BCAS3: variants seen among roughly 807,000 people sequenced by gnomAD.
BCAS3 encodes the protein BCAS3 microtubule associated cell migration factor, also known as BCAS4/BCAS3 fusion.
BCAS3 carries 53 observed loss-of-function variants against 116.1 expected under a neutral mutation model. That is an observed-to-expected ratio of 0.46 (90% confidence interval 0.37 to 0.57). The LOEUF (loss-of-function observed/expected upper bound fraction) is 0.57, where lower values mean the gene tolerates loss of function less well. Ranked by LOEUF, BCAS3 falls within the 20% of genes least tolerant of loss-of-function variation. The pLI, the probability that BCAS3 is intolerant of heterozygous loss-of-function variation, is 0.00. For synonymous variants in BCAS3, 391 were observed against 408.2 expected (o/e 0.96, Z 0.51); for missense variants, 917 against 1,165.4 (o/e 0.79, Z 3.10).
rs2080722156 is a variant in BCAS3, at chr17:61,199,860, C to G, written c.2425+115296C>G. ...CTGAAAATGTCTTTCTAGACATCCA[C>G]CTTACTGCAGGGCCCTAGGGTCATA... On this transcript the variant is annotated intron_variant, in intron 22 of 23. Coordinates refer to ENST00000407086, the MANE Select transcript of BCAS3 (RefSeq NM_017679.5). This position sits in a 1 kb window ranked among gnomAD's most constrained non-coding sequence, Gnocchi z 4.6. Among the ~76,000 whole-genome samples the G allele has an allele frequency of 6.6e-6, 1 of 152,176 alleles. No homozygotes were observed. The highest frequency in any genetic ancestry group is 2.4e-5 in the African/African-American group (1 of 41,442).
chr17:60,978,514 C>T (rs1414062222), intron 14 of BCAS3, among the ~76,000 whole-genome samples: 1 of 149,324 alleles, frequency 6.7e-6, no homozygotes, highest in Middle Eastern at 3.5e-3. Context: ...TAATTAGATC[C>T]CATTTGTCAA....
chr17:60,929,790 A>G (rs112543757), intron 13 of BCAS3, among the ~76,000 whole-genome samples: 44,525 of 141,034 alleles, frequency 0.32, 11,488 homozygotes, highest in African/African-American at 0.72. Context: ...TCATTGTTCA[A>G]TTCCCACCTG....
chr17:60,889,149 T>C (rs1286547302), intron 9 of BCAS3, among the ~76,000 whole-genome samples: 1 of 152,214 alleles, frequency 6.6e-6, no homozygotes, highest in Non-Finnish European at 1.5e-5. Context: ...TTGAGTGAAA[T>C]GTAAATACAA....
At chr17:61,110,401 C>T (rs536793154) in intron 22 of BCAS3, among the ~76,000 whole-genome samples, 326 of 152,246 alleles carry the variant, frequency 2.1e-3, no homozygotes, top group African/African-American at 7.6e-3. Context: ...GTGCGCAAGC[C>T]GAAGCAGGGC....
At chr17:60,957,866 G>A (rs930278728) in intron 14 of BCAS3, among the ~76,000 whole-genome samples, 1 of 152,214 alleles carries the variant, frequency 6.6e-6, no homozygotes, top group African/African-American at 2.4e-5. Flanking sequence ...CACTGGCACA[G>A]TAAATGCCAA....
At chr17:60,750,037 A>G (rs1208518471) in intron 6 of BCAS3, among the ~76,000 whole-genome samples, 4 of 152,078 alleles carry the variant, frequency 2.6e-5, no homozygotes, top group Non-Finnish European at 5.9e-5. Flanking sequence ...CATGGTGGCC[A>G]GTGCCTGTTA....
At chr17:61,011,682 G>A (rs1009956070) in intron 15 of BCAS3, among the ~76,000 whole-genome samples, 1 of 151,990 alleles carries the variant, frequency 6.6e-6, no homozygotes, top group African/African-American at 2.4e-5. Context: ...CAGGAGTATA[G>A]GCAGCCTGGT....
chr17:60,988,228 T>C (rs2063277277), intron 14 of BCAS3, among the ~76,000 whole-genome samples: 1 of 151,878 alleles, frequency 6.6e-6, no homozygotes, highest in African/African-American at 2.4e-5. Context: ...TACTAGTATT[T>C]TGTTGAGGAT....
chr17:61,118,497 A>C lies in BCAS3; in HGVS notation c.2425+33933A>C, dbSNP rs1601391047. ...TTAGGAGGTGGTTCTTGTTAACAGCAGATAGGGATGAAAGTCCTGACTGTA... is the reference window on the plus strand; with the variant it reads ...TTAGGAGGTGGTTCTTGTTAACAGCCGATAGGGATGAAAGTCCTGACTGTA... On this transcript the variant is annotated intron_variant, in intron 22 of 23. Transcript: ENST00000407086. This position sits in a 1 kb window ranked among gnomAD's most constrained non-coding sequence, Gnocchi z 5.0. Among the ~76,000 whole-genome samples, 1 of 152,258 alleles carries C rather than the reference A, an allele frequency of 6.6e-6. No individual in the cohort carries two copies. The highest frequency in any genetic ancestry group is 2.4e-5 in the African/African-American group (1 of 41,544).
At chr17:61,045,954 A>AAT (rs371023337) in intron 19 of BCAS3, among the ~76,000 whole-genome samples, 47 of 11,240 alleles carry the variant, frequency 4.2e-3, no homozygotes, top group Admixed American at 6.8e-3. Context: ...TATATATATA[A>AAT]ATATATATAT....
chr17:61,129,732 T>C (rs2076231243), intron 22 of BCAS3, among the ~76,000 whole-genome samples: 1 of 152,246 alleles, frequency 6.6e-6, no homozygotes, highest in Non-Finnish European at 1.5e-5. Flanking sequence ...TTCAGAACCA[T>C]TGTTTGACAC....
In BCAS3 at chr17:61,349,654, TAAA is replaced by T. The variant is rs935368715; in HGVS notation, c.2426-18672_2426-18670del. Among the ~76,000 whole-genome samples the T allele has an allele frequency of 2.6e-5, 4 of 152,340 alleles. No homozygotes were observed. Among genetic ancestry groups the T allele is most frequent in the Admixed American group, 2.0e-4 (3 of 15,304 alleles). ...TAGCATATGTTTCAAAGCTGACTAT[TAAA>T]GAAGTGTGGAAGAGGTACCATATGT... On this transcript the variant is annotated intron_variant, in intron 22 of 23. Transcript: ENST00000407086. The surrounding 1 kb of genome is among the most constrained non-coding windows in gnomAD (Gnocchi z 4.7).
chr17:60,777,716 C>T (rs1256054709), intron 6 of BCAS3, among the ~76,000 whole-genome samples: 1 of 152,142 alleles, frequency 6.6e-6, no homozygotes, highest in East Asian at 1.9e-4. Flanking sequence ...TTTCAATCTC[C>T]ATCTCTCTCT....
chr17:61,108,984 A>C (rs569313958), intron 22 of BCAS3, among the ~76,000 whole-genome samples: 1 of 152,172 alleles, frequency 6.6e-6, no homozygotes, highest in East Asian at 1.9e-4. Flanking sequence ...TCAAGAGATC[A>C]AGACCATCCT....
intron 16 of BCAS3, among the ~76,000 whole-genome samples, chr17:61,024,734 T>C (rs1406565002): frequency 6.6e-6 from 1 of 152,058 alleles, no homozygotes; most frequent in African/African-American, 2.4e-5. Flanking sequence ...AAGAAAGGTA[T>C]TTACTGGCTC....
chr17:60,794,392 A>G (rs1210244561), intron 6 of BCAS3, among the ~76,000 whole-genome samples: 3 of 152,134 alleles, frequency 2.0e-5, no homozygotes, highest in African/African-American at 4.8e-5. Context: ...TTGCTATGCG[A>G]AAGCTCTTTA....
Position 60,959,360 on chromosome 17 carries a change from C to T in BCAS3, c.1221+12008C>T, listed in dbSNP as rs115291884. Among the ~76,000 whole-genome samples, 570 of 151,838 alleles carry T rather than the reference C, an allele frequency of 3.8e-3. 3 individuals carry two copies. The highest frequency in any genetic ancestry group is 0.013 in the African/African-American group (542 of 41,362). On this transcript the variant is annotated intron_variant, in intron 14 of 23. Coordinates refer to ENST00000407086, the MANE Select transcript of BCAS3 (RefSeq NM_017679.5). ...TTTTGCTTTGCAAAATTTTCTATTC[C>T]AAAGCCCATTAAAGAAAAATTGATA...
rs546820228 is a variant in BCAS3, at chr17:61,011,581, T to A, written c.1487-4170T>A. ...TCATAGGGCCGTATTTTTCTCTACCTCCTGGACATGGAAATAAATATATTT... is the reference window on the plus strand; with the variant it reads ...TCATAGGGCCGTATTTTTCTCTACCACCTGGACATGGAAATAAATATATTT... On this transcript the variant is annotated intron_variant, in intron 15 of 23. Coordinates refer to ENST00000407086, the MANE Select transcript of BCAS3 (RefSeq NM_017679.5). Among the ~76,000 whole-genome samples, 134 of 152,124 alleles carry A rather than the reference T, an allele frequency of 8.8e-4. 1 individual carries two copies. Among genetic ancestry groups the A allele is most frequent in the Admixed American group, 1.9e-3 (29 of 15,244 alleles).
chr17:60,709,270 C>T lies in BCAS3; in HGVS notation c.266C>T (p.Pro89Leu), dbSNP rs533891007. The T allele has an allele frequency of 6.2e-6, 10 of 1,601,684 alleles. No individual in the cohort carries two copies. Among genetic ancestry groups the T allele is most frequent in the Admixed American group, 1.7e-5 (1 of 59,836 alleles). ...GAAATACATAGTACTGGGAATGAAC[C>T]GCCTTTGTTGATTATGATTGGCTAC... ...FHEIHSTGNE[P>L]PLLIMIGYSD... is the part of the protein sequence containing the mutation. The change falls in exon 5 of 24, where the codon CCG (proline) becomes CTG (leucine). Residue 89 changes from proline (P) to leucine (L), a missense_variant. Pro to Leu is a moderately conservative substitution (Grantham distance 98, BLOSUM62 -3). Transcript: ENST00000407086.
Sources: allele counts gnomAD v4.1 joint callset (sites outside exome capture counted in the v4.1 genomes callset), GRCh38; gene constraint gnomAD v4.1.1; non-coding constraint Gnocchi (gnomAD v3.1); transcripts MANE v1.5; gene names NCBI Gene and HGNC (gene_info 2026-07-23, HGNC 2026-07-21).